The following PRKG1 variants were observed in gnomAD, a reference collection of about 807,000 sequenced individuals.
The protein encoded by PRKG1 is protein kinase cGMP-dependent 1.
Under a neutral mutation model 88.1 loss-of-function variants are expected in PRKG1, and 35 were observed. That is an observed-to-expected ratio of 0.40 (90% CI 0.30 to 0.53). The LOEUF (loss-of-function observed/expected upper bound fraction) is 0.53. PRKG1 is among the 20% of genes least tolerant of loss of function. The pLI is 0.59. For synonymous variants in PRKG1, 303 were observed against 292.5 expected, an observed-to-expected ratio of 1.04 and a Z score of -0.37; for missense variants, 540 against 839.8, an observed-to-expected ratio of 0.64 and a Z score of 4.41.
At chr10:52,013,827 G>A (rs778247217) in intron 5 of PRKG1, among the ~76,000 whole-genome samples, 1 of 152,180 alleles carries the variant, frequency 6.6e-6, no homozygotes, top group Non-Finnish European at 1.5e-5. Context: ...TCTCAAGTCT[G>A]TTCTTGATAT....
At chr10:52,246,941 C>T (rs929272265) in intron 9 of PRKG1, among the ~76,000 whole-genome samples, 1 of 144,680 alleles carries the variant, frequency 6.9e-6, no homozygotes, top group African/African-American at 2.5e-5. Context: ...GGTTTCTAAT[C>T]ACCATAGCCC....
chr10:51,305,851 C>G (rs1321121752), intron 2 of PRKG1, among the ~76,000 whole-genome samples: 2 of 152,152 alleles, frequency 1.3e-5, no homozygotes, highest in Non-Finnish European at 2.9e-5. Context: ...ATATCACGTT[C>G]CTGATATGGA....
chr10:51,305,912 TG>T lies in PRKG1; in HGVS notation c.478+152583del, dbSNP rs1239383713. Reference sequence around the variant, plus strand: ...CACACACCACAGAGGAATAAGAGGTTGAATATGTTCAATTTCTGTCTGACTA... The same window carrying T: ...CACACACCACAGAGGAATAAGAGGTTAATATGTTCAATTTCTGTCTGACTA... On this transcript the variant is annotated intron_variant, in intron 2 of 17. Coordinates refer to ENST00000373980, the MANE Select transcript of PRKG1 (RefSeq NM_006258.4). Among the ~76,000 whole-genome samples, 31 of 152,304 alleles carry T rather than the reference TG, an allele frequency of 2.0e-4. No homozygotes were observed. In the East Asian group the frequency reaches 5.2e-3, roughly 26 times the overall value.
chr10:51,195,229 T>C (rs1019660539), intron 2 of PRKG1, among the ~76,000 whole-genome samples: 1 of 152,224 alleles, frequency 6.6e-6, no homozygotes, highest in Non-Finnish European at 1.5e-5. Flanking sequence ...TGAGGACATC[T>C]TATTCATCAA....
intron 2 of PRKG1, among the ~76,000 whole-genome samples, chr10:51,271,401 G>A (rs768057567): frequency 2.0e-5 from 3 of 152,018 alleles, no homozygotes; most frequent in Non-Finnish European, 4.4e-5. Flanking sequence ...AGGGAAATTG[G>A]GTTTGCTTAC....
chr10:52,069,260 G>T (rs907456565), intron 7 of PRKG1, among the ~76,000 whole-genome samples: 3 of 152,178 alleles, frequency 2.0e-5, no homozygotes, highest in Middle Eastern at 3.4e-3. Flanking sequence ...GCTGGGCATG[G>T]TGGCTCATGC....
intron 2 of PRKG1, among the ~76,000 whole-genome samples, chr10:51,267,554 A>G (rs376970881): frequency 2.0e-5 from 3 of 152,196 alleles, no homozygotes; most frequent in East Asian, 1.9e-4. Context: ...AGAAACATAA[A>G]GTGGAAAAAA....
intron 5 of PRKG1, among the ~76,000 whole-genome samples, chr10:51,949,667 C>T (rs17639165): frequency 0.088 from 13,360 of 152,084 alleles, 795 homozygotes; most frequent in Middle Eastern, 0.13. Context: ...TTGAGAACTT[C>T]TTGCTTCCAG....
chr10:51,761,740 TC>T (rs1416614766), intron 3 of PRKG1, among the ~76,000 whole-genome samples: 1 of 152,212 alleles, frequency 6.6e-6, no homozygotes, highest in East Asian at 1.9e-4. Context: ...AAGAAAAATT[TC>T]TCAGGCATGG....
At chr10:52,082,069 G>A (rs996648771) in intron 7 of PRKG1, among the ~76,000 whole-genome samples, 1 of 152,096 alleles carries the variant, frequency 6.6e-6, no homozygotes, top group East Asian at 1.9e-4. Flanking sequence ...GTACAGGGAA[G>A]CAAACACATC....
chr10:52,242,845 C>T (rs745721400), intron 9 of PRKG1, among the ~76,000 whole-genome samples: 1 of 151,056 alleles, frequency 6.6e-6, no homozygotes, highest in Non-Finnish European at 1.5e-5. Flanking sequence ...ACAGTGAGTC[C>T]AGATCACACC....
intron 2 of PRKG1, among the ~76,000 whole-genome samples, chr10:51,396,304 G>A (rs937787792): frequency 6.6e-6 from 1 of 152,076 alleles, no homozygotes; most frequent in African/African-American, 2.4e-5. Context: ...AGGAGACTGA[G>A]GCAGGAGGAT....
chr10:51,040,761 C>G (rs1005405021), intron 1 of PRKG1, among the ~76,000 whole-genome samples: 9 of 152,004 alleles, frequency 5.9e-5, no homozygotes, highest in African/African-American at 2.2e-4. Context: ...AGATTGTTTG[C>G]TGTTGGCATA....
chr10:51,264,319 A>G (rs1839787556), intron 2 of PRKG1, among the ~76,000 whole-genome samples: 1 of 152,196 alleles, frequency 6.6e-6, no homozygotes, highest in South Asian at 2.1e-4. Context: ...TAGCAAACAA[A>G]ATTCTCGAAT....
intron 1 of PRKG1, among the ~76,000 whole-genome samples, chr10:51,120,694 C>T (rs998586704): frequency 6.6e-6 from 1 of 152,154 alleles, no homozygotes; most frequent in Non-Finnish European, 1.5e-5. Flanking sequence ...CATTAAACAG[C>T]TATCGTTCTT....
intron 5 of PRKG1, among the ~76,000 whole-genome samples, chr10:51,942,206 T>C (rs1053313019): frequency 3.2e-4 from 49 of 152,060 alleles, no homozygotes; most frequent in Admixed American, 3.9e-4. Flanking sequence ...TGGCCAGTGA[T>C]GATGAGCATT....
intron 3 of PRKG1, among the ~76,000 whole-genome samples, chr10:51,620,956 A>G (rs1038890623): frequency 2.0e-5 from 3 of 147,908 alleles, no homozygotes; most frequent in African/African-American, 4.9e-5. Flanking sequence ...GCATTCAACT[A>G]TTATGTTAAA....
intron 14 of PRKG1, among the ~76,000 whole-genome samples, chr10:52,288,427 AG>A (rs1842168840): frequency 6.6e-6 from 1 of 152,100 alleles, no homozygotes; most frequent in Non-Finnish European, 1.5e-5. Flanking sequence ...AGTGTGGAAA[AG>A]GTCAGAGAGT....
rs546566740 is a variant in PRKG1, at chr10:51,982,420, G to A, written c.763-72064G>A. On this transcript the variant is annotated intron_variant, in intron 5 of 17. Coordinates refer to ENST00000373980, the MANE Select transcript of PRKG1 (RefSeq NM_006258.4). ...TCTGAGTTGTCAGAGTTCTTGAGCTGGTTCTTTCTTATCTTTATGGGCTGA... is the reference window on the plus strand; with the variant it reads ...TCTGAGTTGTCAGAGTTCTTGAGCTAGTTCTTTCTTATCTTTATGGGCTGA... 1.9e-4 allele frequency among the ~76,000 whole-genome samples: 29 copies of A among 152,144 alleles called. 1 individual carries two copies. Among genetic ancestry groups the A allele is most frequent in the Non-Finnish European group, 3.2e-4 (22 of 68,022 alleles).
Sources: gnomAD v4.1 joint callset for allele counts (sites outside exome capture counted in the v4.1 genomes callset) on GRCh38, gnomAD v4.1.1 for gene constraint, MANE v1.5 for transcripts, NCBI Gene and HGNC (gene_info 2026-07-23, HGNC 2026-07-21) for gene names.